The following AFF3 variants were observed in gnomAD, a reference collection of about 807,000 sequenced individuals.
AFF3 encodes the protein ALF transcription elongation factor 3.
AFF3 carries 32 observed loss-of-function variants against 129.7 expected under a neutral mutation model. That is an observed-to-expected ratio of 0.25 (90% CI 0.19 to 0.33). AFF3 has a LOEUF of 0.33. Among genes scored for constraint, AFF3 ranks in the 10% least tolerant of loss-of-function variants. The probability of loss-of-function intolerance (pLI) is 1.00; values close to 1 mark genes in which losing one functional copy is unlikely to be tolerated. For missense variants in AFF3, 1,373 were observed against 1,592.0 expected (o/e 0.86, Z 2.34); for synonymous variants, 644 against 635.4 (o/e 1.01, Z -0.20).
intron 8 of AFF3, among the ~76,000 whole-genome samples, chr2:99,777,660 A>G (rs1195038661): frequency 4.6e-5 from 7 of 152,202 alleles, no homozygotes; most frequent in Non-Finnish European, 1.0e-4. Flanking sequence ...TATCTCAGGT[A>G]AGGATTGCTA....
At chr2:100,132,446 TAA>T (rs1311492687) in intron 1 of AFF3, among the ~76,000 whole-genome samples, 1 of 152,212 alleles carries the variant, frequency 6.6e-6, no homozygotes, top group African/African-American at 2.4e-5. Flanking sequence ...AGAATGTAGT[TAA>T]GTCTTTTTTC....
At chr2:99,726,424 T>C (rs1370250448) in intron 11 of AFF3, among the ~76,000 whole-genome samples, 1 of 152,226 alleles carries the variant, frequency 6.6e-6, no homozygotes, top group African/African-American at 2.4e-5. Flanking sequence ...TATTGACTCT[T>C]ATGGAACTAA....
chr2:99,799,896 T>C (rs557179221), intron 8 of AFF3, among the ~76,000 whole-genome samples: 18 of 152,292 alleles, frequency 1.2e-4, no homozygotes, highest in African/African-American at 3.4e-4. Flanking sequence ...TGGATACTCA[T>C]GTGCAAAAGT....
At chr2:99,626,562 C>G (rs1271171081) in intron 13 of AFF3, among the ~76,000 whole-genome samples, 3 of 148,746 alleles carry the variant, frequency 2.0e-5, no homozygotes, top group Non-Finnish European at 1.5e-5. Context: ...CCCTCCCCTC[C>G]CCTCCCCTCT....
intron 7 of AFF3, among the ~76,000 whole-genome samples, chr2:99,915,652 T>A (rs1168260895): frequency 6.6e-6 from 1 of 152,174 alleles, no homozygotes; most frequent in Non-Finnish European, 1.5e-5. Context: ...AATTAATTAA[T>A]CCCACATTTT....
chr2:99,626,156 T>C (rs1682519286), intron 13 of AFF3, among the ~76,000 whole-genome samples: 1 of 152,198 alleles, frequency 6.6e-6, no homozygotes, highest in Admixed American at 6.5e-5. Flanking sequence ...GGTAGAAATG[T>C]TGGAATTTAA....
chr2:99,850,243 GA>G (rs1041980771), intron 7 of AFF3, among the ~76,000 whole-genome samples: 8 of 152,084 alleles, frequency 5.3e-5, no homozygotes, highest in African/African-American at 1.9e-4. Context: ...TCCACTATGA[GA>G]ACTTCATTAC....
At chr2:99,736,890 G>T (rs544413881) in intron 10 of AFF3, among the ~76,000 whole-genome samples, 2 of 151,788 alleles carry the variant, frequency 1.3e-5, no homozygotes, top group South Asian at 2.1e-4. Context: ...GATTACAGGC[G>T]TGAGCCACCA....
chr2:99,780,241 C>T (rs915038466), intron 8 of AFF3, among the ~76,000 whole-genome samples: 6 of 152,156 alleles, frequency 3.9e-5, no homozygotes, highest in Admixed American at 6.5e-5. Flanking sequence ...TTCAAGCTGA[C>T]GCTGGTCTGG....
intron 13 of AFF3, among the ~76,000 whole-genome samples, chr2:99,611,555 T>C (rs1680923511): frequency 6.6e-6 from 1 of 152,072 alleles, no homozygotes; most frequent in Non-Finnish European, 1.5e-5. Flanking sequence ...GGCCACAGTT[T>C]TTTTTCCCCC....
At chr2:99,936,961 T>C (rs533446910) in intron 7 of AFF3, among the ~76,000 whole-genome samples, 56 of 152,270 alleles carry the variant, frequency 3.7e-4, no homozygotes, top group African/African-American at 1.3e-3. Context: ...GGTTTTTTCA[T>C]GGGTCCAAAA....
chr2:99,769,564 C>T (rs752554052), intron 8 of AFF3, among the ~76,000 whole-genome samples: 4 of 152,104 alleles, frequency 2.6e-5, no homozygotes, highest in Non-Finnish European at 5.9e-5. Flanking sequence ...CAGATGTCAC[C>T]GGTGTTTGGG....
intron 4 of AFF3, among the ~76,000 whole-genome samples, chr2:100,018,324 C>G (rs1187803383): frequency 6.6e-6 from 1 of 152,136 alleles, no homozygotes; most frequent in Non-Finnish European, 1.5e-5. Context: ...GGACACTCAT[C>G]AGTTTTTTAC....
intron 7 of AFF3, among the ~76,000 whole-genome samples, chr2:99,980,849 A>G (rs1420703970): frequency 6.6e-6 from 1 of 152,264 alleles, no homozygotes; most frequent in African/African-American, 2.4e-5. Flanking sequence ...AAGAGCAAAA[A>G]GAAATGAATA....
intron 8 of AFF3, among the ~76,000 whole-genome samples, chr2:99,808,234 A>C (rs1286189994): frequency 6.6e-6 from 1 of 152,222 alleles, no homozygotes; most frequent in African/African-American, 2.4e-5. Flanking sequence ...ATGGAAGCTG[A>C]TGTAACACAA....
At chr2:99,650,023 A>G (rs1216665811) in intron 12 of AFF3, among the ~76,000 whole-genome samples, 2 of 152,174 alleles carry the variant, frequency 1.3e-5, no homozygotes, top group East Asian at 1.9e-4. Context: ...GTCCTTTCCT[A>G]TAAGAAAACA....
rs1253092268 is a variant in AFF3, at chr2:99,856,262, T to C, written c.874-18738A>G. On this transcript the variant is annotated intron_variant, in intron 7 of 24. Coordinates refer to ENST00000672756, the MANE Select transcript of AFF3 (RefSeq NM_001386135.1). ...ATAAATATACAATACTAATATAAGA[T>C]GTTAACAATATGATTTAAACAAGAA... Among the ~76,000 whole-genome samples the C allele has an allele frequency of 5.3e-5, 8 of 152,296 alleles. No individual in the cohort carries two copies. In the East Asian group the frequency reaches 1.5e-3, roughly 29 times the overall value.
At chr2:99,787,051 A>G (rs1003440632) in intron 8 of AFF3, among the ~76,000 whole-genome samples, 1 of 152,192 alleles carries the variant, frequency 6.6e-6, no homozygotes, top group African/African-American at 2.4e-5. Flanking sequence ...ATAGTATTAA[A>G]TGGGCAAAAA....
At chr2:99,967,626 T>C (rs1158262739) in intron 7 of AFF3, among the ~76,000 whole-genome samples, 1 of 152,150 alleles carries the variant, frequency 6.6e-6, no homozygotes, top group Non-Finnish European at 1.5e-5. Context: ...ACACAACAAG[T>C]AGAGCCCTTT....
Sources: gnomAD v4.1 joint callset for allele counts (sites outside exome capture counted in the v4.1 genomes callset) on GRCh38, gnomAD v4.1.1 for gene constraint, MANE v1.5 for transcripts, NCBI Gene and HGNC (gene_info 2026-07-23, HGNC 2026-07-21) for gene names.